APBB1: variants seen among roughly 807,000 people sequenced by gnomAD.
APBB1 encodes amyloid beta precursor protein binding family B member 1.
A neutral mutation model predicts 78.4 loss-of-function variants in APBB1; 22 were observed. The ratio of observed to expected loss-of-function variants is 0.28; its 90% CI spans 0.20 to 0.40. The LOEUF (loss-of-function observed/expected upper bound fraction) is 0.40, where lower values mean the gene tolerates loss of function less well. APBB1 is among the 10% of genes least tolerant of loss of function. APBB1 has a pLI of 1.00. For missense variants in APBB1, 749 were observed against 932.4 expected, an observed-to-expected ratio of 0.80 and a Z score of 2.56; for synonymous variants, 369 against 372.7, an observed-to-expected ratio of 0.99 and a Z score of 0.12.
chr11:6,403,904 C>A lies in APBB1; in HGVS notation c.722-82G>T. ...CCTATGCCCGGTCCCCTCTGAGACC[C>A]CATGGTTGAGAAGGGGTGGTGGAAG... On this transcript the variant is annotated intron_variant, in intron 2 of 14. Coordinates refer to ENST00000609360, the MANE Select transcript of APBB1 (RefSeq NM_001164.5). The surrounding 1 kb of genome is among the most constrained non-coding windows in gnomAD (Gnocchi z 5.3). 1 of 1,436,050 alleles carries A rather than the reference C, an allele frequency of 7.0e-7. No individual in the cohort carries two copies. Among genetic ancestry groups the A allele is most frequent in the Non-Finnish European group, 9.4e-7 (1 of 1,068,012 alleles). 89.0% of individuals were successfully genotyped at this position (1,436,050 alleles called of 1,614,324 possible). A position where few individuals can be genotyped will look rare whatever the true frequency, so the allele number is the denominator to read the frequency against.
At chr11:6,400,483 A>C (rs1191994829) in intron 12 of APBB1, among the ~76,000 whole-genome samples, 1 of 151,598 alleles carries the variant, frequency 6.6e-6, no homozygotes, top group Non-Finnish European at 1.5e-5. Context: ...CGGAGGTTGC[A>C]GTGAGCTAAG....
intron 12 of APBB1, among the ~76,000 whole-genome samples, chr11:6,397,366 C>G (rs1332839828): frequency 6.6e-6 from 1 of 152,166 alleles, no homozygotes; most frequent in African/African-American, 2.4e-5. Context: ...CAAAAGCATA[C>G]AAGTCTTCCA....
Position 6,395,579 on chromosome 11 carries a change from C to A in APBB1, c.2088G>T (p.Leu696=). The stretch of plus-strand genomic sequence containing the variant: ...GCCGTTTGGGCTTCAGGGAGCCCCA[C>A]AGCGACTGAACACCCCTGCGGACAG... ...GWTVRRGVQS[L]WGSLKPKRLG... The change falls in exon 15 of 15, where the codon CTG becomes CTT. Residue 696 remains leucine, a synonymous_variant. Coordinates refer to ENST00000609360, the MANE Select transcript of APBB1 (RefSeq NM_001164.5). This position sits in a 1 kb window ranked among gnomAD's most constrained non-coding sequence, Gnocchi z 5.2. The A allele has an allele frequency of 6.3e-7, 1 of 1,583,656 alleles. No homozygotes were observed. Among genetic ancestry groups the A allele is most frequent in the Non-Finnish European group, 8.6e-7 (1 of 1,163,328 alleles).
intron 6 of APBB1, among the ~76,000 whole-genome samples, chr11:6,402,943 G>A (rs534245939): frequency 1.1e-3 from 169 of 151,832 alleles, no homozygotes; most frequent in Non-Finnish European, 1.5e-4. Flanking sequence ...AGACTACAAG[G>A]GCCCCCAACC....
At position 6,403,194 on chromosome 11, in the gene APBB1, G is replaced by A. The variant is rs1199436745; in HGVS notation, c.1055C>T (p.Pro352Leu). Reference sequence around the variant, plus strand: ...TGGGGGAAGCTTCTCCTCCTCTTGGGGCAACGGCTCTGGGCTGAAGGCAGA... The same window carrying A: ...TGGGGGAAGCTTCTCCTCCTCTTGGAGCAACGGCTCTGGGCTGAAGGCAGA... ...PAQSLSPEPL[P>L]QEEEKLPPRN... Residue 352 changes from proline (P) to leucine (L), a missense_variant, in exon 6 of 15, where the codon CCC becomes CTC. Around this residue, in one of 3 missense-constraint regions of APBB1, gnomAD observed 635 missense variants for 765.0 expected, o/e 0.83. Transcript: ENST00000609360. The surrounding 1 kb of genome is among the most constrained non-coding windows in gnomAD (Gnocchi z 5.3). 8 of 1,613,490 alleles carry A rather than the reference G, an allele frequency of 5.0e-6. No homozygotes were observed. In the South Asian group the frequency reaches 7.7e-5, roughly 16 times the overall value.
In APBB1 at chr11:6,406,084, C is replaced by G. The variant is rs140545785; in HGVS notation, c.722-2262G>C. On this transcript the variant is annotated intron_variant, in intron 2 of 14. Transcript: ENST00000609360. ...TGTCCTGGAAGGGCAGTTTCTCCCC[C>G]CTTGGCCATCTGGGAGGCCCTTCTG... Among the ~76,000 whole-genome samples the G allele has an allele frequency of 1.6e-3, 245 of 152,352 alleles. 1 individual carries two copies. Among genetic ancestry groups the G allele is most frequent in the African/African-American group, 5.7e-3 (235 of 41,574 alleles).
Position 6,411,193 on chromosome 11 carries a change from C to G in APBB1, c.155G>C (p.Ser52Thr), listed in dbSNP as rs763037052. 6.2e-7 allele frequency: 1 copy of G among 1,607,570 alleles called. No individual in the cohort carries two copies. The highest frequency in any genetic ancestry group is 2.2e-5 in the East Asian group (1 of 44,836). Residue 52 changes from serine (S) to threonine (T), a missense_variant, in exon 2 of 15, where the codon AGC (serine) becomes ACC (threonine). Ser to Thr is a moderately conservative substitution (Grantham distance 58). Around this residue, in one of 3 missense-constraint regions of APBB1, gnomAD observed 635 missense variants for 765.0 expected, o/e 0.83. Transcript: ENST00000609360. The surrounding 1 kb of genome is among the most constrained non-coding windows in gnomAD (Gnocchi z 5.2). The stretch of plus-strand genomic sequence containing the variant: ...AGGCCCACCACCCTCCCCCATGGCG[C>G]TGCGCAGGTCCTTGGGTCCCACAGC... ...ATAVGPKDLR[S>T]AMGEGGGPEP...
At chr11:6,413,793 T>C (rs1849045608) in intron 1 of APBB1, among the ~76,000 whole-genome samples, 1 of 152,100 alleles carries the variant, frequency 6.6e-6, no homozygotes, top group African/African-American at 2.4e-5. Context: ...TTTCTACGTC[T>C]CTAGTTCCTC....
chr11:6,412,703 G>A (rs557134485), intron 1 of APBB1, among the ~76,000 whole-genome samples: 1 of 152,292 alleles, frequency 6.6e-6, no homozygotes, highest in East Asian at 1.9e-4. Context: ...AGTGCCTAGC[G>A]TAGTCCTGGC....
chr11:6,419,136 G>C (rs981815378), upstream of APBB1: 4 of 359,426 alleles, frequency 1.1e-5, no homozygotes, highest in Middle Eastern at 1.4e-3. Context: ...CGCAAGGGGA[G>C]GGGGAGGGGC....
Position 6,411,359 on chromosome 11 carries a change from C to G in APBB1, c.-12G>C, listed in dbSNP as rs200158979. 11 of 1,526,478 alleles carry G rather than the reference C, an allele frequency of 7.2e-6. No homozygotes were observed. The African/African-American group carries it at 1.4e-4, about 19-fold the overall frequency. The allele number at this position is 1,526,478 out of a possible 1,614,324, so 94.6% of individuals were successfully genotyped here. A position where few individuals can be genotyped will look rare whatever the true frequency, so the allele number is the denominator to read the frequency against. ...GATGGAACAGACATGGCCTTGGCAG[C>G]TCCTGTGGGGTGCGGAGGGGAGATG... On this transcript the variant is annotated splice_region_variant and 5_prime_UTR_variant, in exon 2 of 15. Coordinates refer to ENST00000609360, the MANE Select transcript of APBB1 (RefSeq NM_001164.5). The surrounding 1 kb of genome is among the most constrained non-coding windows in gnomAD (Gnocchi z 5.2).
chr11:6,409,343 G>A (rs1326656904), intron 2 of APBB1, among the ~76,000 whole-genome samples: 1 of 152,082 alleles, frequency 6.6e-6, no homozygotes, highest in Non-Finnish European at 1.5e-5. Flanking sequence ...CTAAAATGCT[G>A]GGATTACAGG....
In APBB1 at chr11:6,410,910, T is replaced by C. The variant is rs1848944261; in HGVS notation, c.438A>G (p.Pro146=). Residue 146 remains proline (P), a synonymous_variant, in exon 2 of 15, where the codon CCA becomes CCG. Transcript: ENST00000609360. ...GLIISTQEQG[P]DEGEEKAAGE... is the part of the protein sequence containing the mutation. ...CGGCCGCCTTCTCCTCTCCCTCATC[T>C]GGCCCCTGCTCTTGAGTGCTGATGA... 1 of 1,614,166 alleles carries C rather than the reference T, an allele frequency of 6.2e-7. No homozygotes were observed.
chr11:6,402,604 T>C lies in APBB1; in HGVS notation c.1226A>G (p.His409Arg). ...CCCCCAGCCCCCAGACATGGGGTCATGCAGGTTGTTTTTGTGGTAAGAGAG... is the reference window on the plus strand; with the variant it reads ...CCCCCAGCCCCCAGACATGGGGTCACGCAGGTTGTTTTTGTGGTAAGAGAG... ...RQLSYHKNNL[H>R]DPMSGGWGEG... The change falls in exon 7 of 15, where the codon CAT becomes CGT. Residue 409 changes from histidine to arginine, a missense_variant. His to Arg is a conservative substitution (Grantham distance 29). This residue lies in a region of APBB1 where 635 missense variants were observed against 765.0 expected (regional missense o/e 0.83). Coordinates refer to ENST00000609360, the MANE Select transcript of APBB1 (RefSeq NM_001164.5). The C allele has an allele frequency of 6.2e-7, 1 of 1,614,012 alleles. No individual in the cohort carries two copies. Among genetic ancestry groups the C allele is most frequent in the Non-Finnish European group, 8.5e-7 (1 of 1,179,992 alleles).
At chr11:6,407,672 A>C (rs917585483) in intron 2 of APBB1, among the ~76,000 whole-genome samples, 1 of 152,218 alleles carries the variant, frequency 6.6e-6, no homozygotes, top group Non-Finnish European at 1.5e-5. Flanking sequence ...GCTGGAGTGC[A>C]GGAGGGGCTG....
rs758784723 is a variant in APBB1 at position 6,402,071 on chromosome 11, C to T, written c.1382+11G>A. ...GAACTCCCACCCTCGAATCCCAAGC[C>T]CTATTCCCACCTTCCACTGTCCCGC... is the stretch of plus-strand genomic sequence containing the variant. On this transcript the variant is annotated intron_variant, in intron 8 of 14. Transcript: ENST00000609360. 1 of 1,613,694 alleles carries T rather than the reference C, an allele frequency of 6.2e-7. No homozygotes were observed. Among genetic ancestry groups the T allele is most frequent in the East Asian group, 2.2e-5 (1 of 44,878 alleles).
intron 12 of APBB1, among the ~76,000 whole-genome samples, chr11:6,397,552 A>G (rs1848294729): frequency 6.6e-6 from 1 of 152,228 alleles, no homozygotes; most frequent in South Asian, 2.1e-4. Flanking sequence ...AACTGAGGGA[A>G]AAGCCTCTGT....
intron 12 of APBB1, 145 bp downstream of exon 12, chr11:6,400,844 G>A: frequency 1.3e-6 from 1 of 792,118 alleles, no homozygotes; most frequent in South Asian, 1.4e-5. Context: ...TAGGACAGAA[G>A]TATGGGGAGG....
intron 2 of APBB1, among the ~76,000 whole-genome samples, chr11:6,407,872 C>T (rs1032166570): frequency 7.9e-5 from 12 of 151,628 alleles, no homozygotes; most frequent in Admixed American, 2.6e-4. Flanking sequence ...CTCCGCTTCC[C>T]GGGTTCACGC....
Sources: allele counts gnomAD v4.1 joint callset (sites outside exome capture counted in the v4.1 genomes callset), GRCh38; gene constraint gnomAD v4.1.1; regional missense constraint gnomAD v4.1.1; non-coding constraint Gnocchi (gnomAD v3.1); transcripts MANE v1.5; gene names NCBI Gene and HGNC (gene_info 2026-07-23, HGNC 2026-07-21).